The following RHPN1 variants were observed in gnomAD, a reference collection of about 807,000 sequenced individuals.
RHPN1 encodes rhophilin Rho GTPase binding protein 1, also known as rhophilin-1.
RHPN1 carries 77 observed loss-of-function variants against 74.7 expected under a neutral mutation model. The observed-to-expected ratio is 1.03, with a 90% confidence interval of 0.86 to 1.25. The LOEUF (loss-of-function observed/expected upper bound fraction) is 1.25, where lower values mean the gene tolerates loss of function less well. RHPN1 is among the 50% of genes most tolerant of loss of function. The pLI, the probability that RHPN1 is intolerant of heterozygous loss-of-function variation, is 0.00. For missense variants in RHPN1, 987 were observed against 932.2 expected (o/e 1.06, Z -0.77); for synonymous variants, 444 against 414.5 (o/e 1.07, Z -0.87).
rs1818856484 is a variant in RHPN1 at position 143,383,205 on chromosome 8, TGC to T, written c.*557_*558del. The T allele has an allele frequency of 6.3e-6, 1 of 159,322 alleles. No homozygotes were observed. The allele number at this position is 159,322 out of a possible 1,614,324, so 9.9% of individuals were successfully genotyped here. On this transcript the variant is annotated 3_prime_UTR_variant, in exon 15 of 15. Coordinates refer to ENST00000289013, the MANE Select transcript of RHPN1 (RefSeq NM_052924.3). The stretch of plus-strand genomic sequence containing the variant: ...CACAGAGCAAGGGACTCCCCACCTC[TGC>T]GCCCTGTGCTGGTCATCATGGGCTC...
chr8:143,371,341 G>A (rs569934829), intron 1 of RHPN1, among the ~76,000 whole-genome samples: 27 of 152,220 alleles, frequency 1.8e-4, no homozygotes, highest in African/African-American at 6.5e-4. Context: ...TTCAGTGGGG[G>A]CAGAGGAGAG....
intron 2 of RHPN1, among the ~76,000 whole-genome samples, 187 bp from the exon 3 acceptor site, chr8:143,376,338 T>A (rs1586816176): frequency 6.6e-6 from 1 of 152,300 alleles, no homozygotes; most frequent in South Asian, 2.1e-4. Context: ...GTAGGGGGCA[T>A]CACCTGTGAG....
At chr8:143,374,961 G>A (rs1419298740) in intron 1 of RHPN1, among the ~76,000 whole-genome samples, 6 of 152,198 alleles carry the variant, frequency 3.9e-5, no homozygotes, top group Non-Finnish European at 5.9e-5. Context: ...GGGAGGGCAC[G>A]GGTGTGCGTT....
upstream of RHPN1, chr8:143,366,711 G>A (rs933425083): frequency 1.3e-5 from 2 of 152,182 alleles, no homozygotes; most frequent in South Asian, 2.1e-4. Flanking sequence ...GACCCTCAAA[G>A]TTTGAGAGCC....
chr8:143,375,173 G>T (rs766012277), intron 1 of RHPN1, among the ~76,000 whole-genome samples: 4 of 152,196 alleles, frequency 2.6e-5, no homozygotes, highest in Non-Finnish European at 5.9e-5. Flanking sequence ...ATCCAGAAGC[G>T]CAGAAGGAAG....
At position 143,380,739 on chromosome 8, in the gene RHPN1, G is replaced by T; in HGVS notation, c.1367G>T (p.Arg456Leu). 1.3e-6 allele frequency: 2 copies of T among 1,594,326 alleles called. No individual in the cohort carries two copies. Among genetic ancestry groups the T allele is most frequent in the Non-Finnish European group, 1.7e-6 (2 of 1,170,812 alleles). The change falls in exon 11 of 15, where the codon CGT becomes CTT. Residue 456 changes from arginine to leucine, a missense_variant. Transcript: ENST00000289013. Reference protein sequence around the residue: ...RSLAKYAELDREDDFCEAAEA... With the variant: ...RSLAKYAELDLEDDFCEAAEA... ...CTGGCCAAGTATGCGGAGCTCGACC[G>T]TGAGGATGACTTCTGTGAGGCTGCC... is the stretch of plus-strand genomic sequence containing the variant.
Position 143,378,357 on chromosome 8 carries a change from C to CGGGGGGGGCG in RHPN1, c.459+11_459+12insGGGGGGGGCG. The CGGGGGGGGCG allele has an allele frequency of 1.3e-6, 2 of 1,520,924 alleles. No homozygotes were observed. The highest frequency in any genetic ancestry group is 1.8e-6 in the Non-Finnish European group (2 of 1,127,140). 94.2% of individuals were successfully genotyped at this position (1,520,924 alleles called of 1,614,324 possible). A position where few individuals can be genotyped will look rare whatever the true frequency, so the allele number is the denominator to read the frequency against. On this transcript the variant is annotated intron_variant, in intron 5 of 14. Transcript: ENST00000289013. Reference sequence around the variant, plus strand: ...GAGGCCCTGCGGCAGGTGTGTGGTTCCCCCGCCCACCCACCCTCCTGCAGC... The same window carrying CGGGGGGGGCG: ...GAGGCCCTGCGGCAGGTGTGTGGTTCGGGGGGGGCGCCCCGCCCACCCACCCTCCTGCAGC...
chr8:143,381,660 C>A lies in RHPN1; in HGVS notation c.1577C>A (p.Thr526Lys), dbSNP rs1160831688. Residue 526 changes from threonine (T) to lysine (K), a missense_variant, in exon 13 of 15, where the codon ACG (threonine) becomes AAG (lysine). Thr to Lys is a moderately conservative substitution (Grantham distance 78, BLOSUM62 -1). Coordinates refer to ENST00000289013, the MANE Select transcript of RHPN1 (RefSeq NM_052924.3). ...LTRGEGGFGL[T>K]LRGDSPVLIA... ...CGAGGAGAGGGCGGCTTTGGCCTCA[C>A]GCTTCGGGGAGACTCGCCTGTCCTC... 1.2e-6 allele frequency: 2 copies of A among 1,611,530 alleles called. No homozygotes were observed. Among genetic ancestry groups the A allele is most frequent in the South Asian group, 1.1e-5 (1 of 91,024 alleles).
At chr8:143,382,327 C>A in intron 14 of RHPN1, 109 bp from the exon 15 acceptor site, 2 of 958,390 alleles carry the variant, frequency 2.1e-6, no homozygotes, top group Non-Finnish European at 3.1e-6. Flanking sequence ...CCCAAACAAG[C>A]CCCCGACGTG....
At chr8:143,368,853 G>T (rs1325346993), upstream of RHPN1, 3 of 497,370 alleles carry the variant, frequency 6.0e-6, no homozygotes, top group East Asian at 1.2e-4. Context: ...ACTCAGGAGG[G>T]ACAGTCGGGG....
chr8:143,378,731 G>T lies in RHPN1; in HGVS notation c.495G>T (p.Leu165=). Reference sequence around the variant, plus strand: ...CCCCCAGCCGGAATGAGTCGGGCCTGGAGCTGCTCACAGCCTATTACAACC... The same window carrying T: ...CCCCCAGCCGGAATGAGTCGGGCCTTGAGCTGCTCACAGCCTATTACAACC... ...MRTPSRNESG[L]ELLTAYYNQL... is the part of the protein sequence containing the mutation. The change falls in exon 6 of 15, where the codon CTG becomes CTT. Residue 165 remains leucine, a synonymous_variant. Coordinates refer to ENST00000289013, the MANE Select transcript of RHPN1 (RefSeq NM_052924.3). 6.3e-7 allele frequency: 1 copy of T among 1,594,740 alleles called. No individual in the cohort carries two copies.
chr8:143,377,896 CTG>C (rs1818390772), intron 4 of RHPN1, among the ~76,000 whole-genome samples: 1 of 152,224 alleles, frequency 6.6e-6, no homozygotes, highest in Non-Finnish European at 1.5e-5. Flanking sequence ...GAGCCACTGA[CTG>C]TGTTCCGTGT....
At chr8:143,381,119 G>A (rs1818693382) in intron 11 of RHPN1, 149 bp from the exon 12 acceptor site, 2 of 686,402 alleles carry the variant, frequency 2.9e-6, no homozygotes, top group South Asian at 3.8e-5. Context: ...GCACACCTGG[G>A]GCAGCTCCTC....
intron 14 of RHPN1, 85 bp downstream of exon 14, chr8:143,382,053 A>G (rs1818778189): frequency 1.6e-5 from 21 of 1,332,158 alleles, no homozygotes; most frequent in Non-Finnish European, 2.0e-5. Context: ...CTTGAGCAAC[A>G]TTGGGAAGGG....
rs1818479396 is a variant in RHPN1 at position 143,378,865 on chromosome 8, G to A, written c.584+45G>A. 3 of 1,571,972 alleles carry A rather than the reference G, an allele frequency of 1.9e-6. No individual in the cohort carries two copies. The South Asian group carries it at 3.5e-5, about 18-fold the overall frequency. On this transcript the variant is annotated intron_variant, in intron 6 of 14. Transcript: ENST00000289013. ...AGGCACCCTGGGGAGGGGAGGCCCAGCTGCGGGAACCGTGGGAACTCCACC... is the reference window on the plus strand; with the variant it reads ...AGGCACCCTGGGGAGGGGAGGCCCAACTGCGGGAACCGTGGGAACTCCACC...
chr8:143,370,199 C>T (rs1817733477), intron 1 of RHPN1, among the ~76,000 whole-genome samples: 1 of 152,186 alleles, frequency 6.6e-6, no homozygotes, highest in South Asian at 2.1e-4. Flanking sequence ...AGGCTGGGGG[C>T]TGTGCCTGGG....
At position 143,373,530 on chromosome 8, in the gene RHPN1, T is replaced by C. The variant is rs1195019714; in HGVS notation, c.61-2023T>C. ...GACGGGGCGGGGGCTTGGGGGATGG[T>C]GTGGGTTCCAGGGGACGGGGCGGGG... On this transcript the variant is annotated intron_variant, in intron 1 of 14. Transcript: ENST00000289013. 3.6e-4 allele frequency among the ~76,000 whole-genome samples: 8 copies of C among 22,222 alleles called. 1 individual carries two copies. Among genetic ancestry groups the C allele is most frequent in the African/African-American group, 2.2e-3 (4 of 1,852 alleles). The allele number at this position is 22,222 out of a possible 152,430, so 14.6% of individuals were successfully genotyped here. A position where few individuals can be genotyped will look rare whatever the true frequency, so the allele number is the denominator to read the frequency against.
Position 143,380,112 on chromosome 8 carries a change from C to G in RHPN1, c.1153C>G (p.Pro385Ala). The change falls in exon 10 of 15, where the codon CCC (proline) becomes GCC (alanine). Residue 385 changes from proline to alanine, a missense_variant. Coordinates refer to ENST00000289013, the MANE Select transcript of RHPN1 (RefSeq NM_052924.3). ...GCACGAGCAGGTCTTCCTGCAGCCCCCCACCTCCTCTAAGCCCCGAGGCCC... is the reference window on the plus strand; with the variant it reads ...GCACGAGCAGGTCTTCCTGCAGCCCGCCACCTCCTCTAAGCCCCGAGGCCC... ...PTHEQVFLQP[P>A]TSSKPRGPVL... is the part of the protein sequence containing the mutation. 1.3e-6 allele frequency: 2 copies of G among 1,552,492 alleles called. No homozygotes were observed. Among genetic ancestry groups the G allele is most frequent in the Non-Finnish European group, 1.7e-6 (2 of 1,149,246 alleles).
chr8:143,379,516 C>T lies in RHPN1; in HGVS notation c.945+8C>T, dbSNP rs370429754. 1.7e-5 allele frequency: 26 copies of T among 1,537,848 alleles called. No homozygotes were observed. Among genetic ancestry groups the T allele is most frequent in the African/African-American group, 5.5e-5 (4 of 72,740 alleles). On this transcript the variant is annotated splice_region_variant and intron_variant, in intron 8 of 14. Coordinates refer to ENST00000289013, the MANE Select transcript of RHPN1 (RefSeq NM_052924.3). Reference sequence around the variant, plus strand: ...GCGCAGGAGGCCGCCCAGGTGAGCTCGGGCACCCGTGTCAGGATGCAGGGG... The same window carrying T: ...GCGCAGGAGGCCGCCCAGGTGAGCTTGGGCACCCGTGTCAGGATGCAGGGG...
Sources: gnomAD v4.1 joint callset for allele counts (sites outside exome capture counted in the v4.1 genomes callset) on GRCh38, gnomAD v4.1.1 for gene constraint, MANE v1.5 for transcripts, NCBI Gene and HGNC (gene_info 2026-07-23, HGNC 2026-07-21) for gene names.